DGKI: variants seen among roughly 807,000 people sequenced by gnomAD.
DGKI encodes the protein diacylglycerol kinase iota.
In DGKI, 55 loss-of-function variants were observed where a neutral mutation model predicts 147.5. That is an observed-to-expected ratio of 0.37 (90% CI 0.30 to 0.47). The LOEUF (loss-of-function observed/expected upper bound fraction) is 0.47, where lower values mean the gene tolerates loss of function less well. Ranked by LOEUF, DGKI falls within the 20% of genes least tolerant of loss-of-function variation. The probability of loss-of-function intolerance (pLI) is 1.00; values close to 1 mark genes in which losing one functional copy is unlikely to be tolerated. For synonymous variants in DGKI, 469 were observed against 477.1 expected, an observed-to-expected ratio of 0.98 and a Z score of 0.22; for missense variants, 1,007 against 1,323.8, an observed-to-expected ratio of 0.76 and a Z score of 3.71.
chr7:137,771,349 C>T (rs1294932230), intron 1 of DGKI, among the ~76,000 whole-genome samples: 1 of 152,180 alleles, frequency 6.6e-6, no homozygotes, highest in Non-Finnish European at 1.5e-5. Flanking sequence ...CTTCAGCCTC[C>T]CAAAGTGCTG....
At chr7:137,824,445 A>G (rs1797995482) in intron 1 of DGKI, among the ~76,000 whole-genome samples, 1 of 149,676 alleles carries the variant, frequency 6.7e-6, no homozygotes, top group Admixed American at 6.8e-5. Flanking sequence ...GAACCTTGGA[A>G]ATAGAGATTG....
chr7:137,839,663 C>T (rs1009627192), intron 1 of DGKI, among the ~76,000 whole-genome samples: 2 of 152,192 alleles, frequency 1.3e-5, no homozygotes, highest in Non-Finnish European at 2.9e-5. Flanking sequence ...CCAGTACTCT[C>T]CTCTACCTCT....
intron 5 of DGKI, among the ~76,000 whole-genome samples, chr7:137,653,128 T>TG (rs1822093802): frequency 6.6e-6 from 1 of 151,710 alleles, no homozygotes; most frequent in Non-Finnish European, 1.5e-5. Flanking sequence ...GTATGTGTGT[T>TG]TGTGTGTGTG....
intron 12 of DGKI, among the ~76,000 whole-genome samples, chr7:137,589,975 T>A (rs1819549538): frequency 6.6e-6 from 1 of 151,876 alleles, no homozygotes; most frequent in Non-Finnish European, 1.5e-5. Flanking sequence ...TGCTATGAGT[T>A]TACACTTTCA....
intron 1 of DGKI, among the ~76,000 whole-genome samples, chr7:137,804,365 C>T (rs1033938144): frequency 6.6e-6 from 1 of 152,186 alleles, no homozygotes; most frequent in African/African-American, 2.4e-5. Context: ...TAAATATAGG[C>T]TAGTTTTCTC....
intron 30 of DGKI, among the ~76,000 whole-genome samples, chr7:137,405,721 A>G (rs1029891284): frequency 6.6e-6 from 1 of 151,900 alleles, no homozygotes; most frequent in African/African-American, 2.4e-5. Context: ...GGGAGCTTCC[A>G]CTCTCACCCC....
intron 21 of DGKI, among the ~76,000 whole-genome samples, chr7:137,512,580 G>A (rs867668111): frequency 1.6e-4 from 25 of 152,162 alleles, no homozygotes; most frequent in African/African-American, 5.8e-4. Context: ...TTTTGAGTAT[G>A]TGTTACATAA....
At chr7:137,615,323 C>A (rs1050279685) in intron 8 of DGKI, among the ~76,000 whole-genome samples, 1 of 152,162 alleles carries the variant, frequency 6.6e-6, no homozygotes, top group Admixed American at 6.5e-5. Context: ...TTAGATAGTT[C>A]TAGCTATATT....
intron 1 of DGKI, among the ~76,000 whole-genome samples, chr7:137,816,000 C>T: frequency 6.6e-6 from 1 of 152,184 alleles, no homozygotes; most frequent in East Asian, 1.9e-4. Context: ...GTTCCCATTA[C>T]AAATTCCACA....
Position 137,737,325 on chromosome 7 carries a change from G to A in DGKI, c.402-47323C>T, listed in dbSNP as rs141937319. Among the ~76,000 whole-genome samples, 51 of 151,380 alleles carry A rather than the reference G, an allele frequency of 3.4e-4. 1 individual carries two copies. The East Asian group carries it at 9.1e-3, about 27-fold the overall frequency. On this transcript the variant is annotated intron_variant, in intron 1 of 32. Coordinates refer to ENST00000614521, the MANE Select transcript of DGKI (RefSeq NM_001321708.2). ...ACTCATGGAAGGAGAACTTTCAACA[G>A]CAAGTTTCCCTGGAATACAAAGAAA... is the stretch of plus-strand genomic sequence containing the variant.
At chr7:137,843,676 T>C (rs1798617302) in intron 1 of DGKI, among the ~76,000 whole-genome samples, 1 of 151,572 alleles carries the variant, frequency 6.6e-6, no homozygotes, top group Non-Finnish European at 1.5e-5. Flanking sequence ...AGTCACTGCA[T>C]ATGCCCACCC....
chr7:137,727,406 A>T (rs946320745), intron 1 of DGKI, among the ~76,000 whole-genome samples: 2 of 152,222 alleles, frequency 1.3e-5, no homozygotes, highest in Non-Finnish European at 2.9e-5. Context: ...ATACTCACAG[A>T]GCCCCAGCTT....
chr7:137,576,970 G>A (rs1035661780), intron 17 of DGKI, among the ~76,000 whole-genome samples: 2 of 152,074 alleles, frequency 1.3e-5, no homozygotes, highest in Admixed American at 6.5e-5. Context: ...GTTCTGAAGT[G>A]ACTTATGTGA....
In DGKI at chr7:137,594,585, C is replaced by T. The variant is rs115724213; in HGVS notation, c.1311+3262G>A. Among the ~76,000 whole-genome samples, 446 of 152,276 alleles carry T rather than the reference C, an allele frequency of 2.9e-3. 5 individuals carry two copies. Among genetic ancestry groups the T allele is most frequent in the African/African-American group, 0.01 (421 of 41,558 alleles). Reference sequence around the variant, plus strand: ...CACTTTACTGGCAGCATTCTGCCAGCTTCTACAGTGACAGATGTGCTCACT... The same window carrying T: ...CACTTTACTGGCAGCATTCTGCCAGTTTCTACAGTGACAGATGTGCTCACT... On this transcript the variant is annotated intron_variant, in intron 12 of 32. Coordinates refer to ENST00000614521, the MANE Select transcript of DGKI (RefSeq NM_001321708.2).
chr7:137,767,087 G>T (rs1194907905), intron 1 of DGKI, among the ~76,000 whole-genome samples: 1 of 151,926 alleles, frequency 6.6e-6, no homozygotes, highest in Non-Finnish European at 1.5e-5. Context: ...GTGACCTGAT[G>T]GGGGGGCCAC....
At chr7:137,472,195 T>C (rs1814943474) in intron 23 of DGKI, among the ~76,000 whole-genome samples, 1 of 115,468 alleles carries the variant, frequency 8.7e-6, no homozygotes, top group South Asian at 2.4e-4. Flanking sequence ...TACATATAAA[T>C]ATTATATACA....
chr7:137,579,452 GAA>G (rs67445318), intron 15 of DGKI, among the ~76,000 whole-genome samples: 2 of 138,324 alleles, frequency 1.4e-5, no homozygotes, highest in Non-Finnish European at 3.2e-5. Flanking sequence ...AAAAAAAAAA[GAA>G]AGAAAAAAAG....
At chr7:137,540,782 A>AAAAAAAAAAAAT (rs1563075734) in intron 20 of DGKI, among the ~76,000 whole-genome samples, 1 of 148,624 alleles carries the variant, frequency 6.7e-6, no homozygotes, top group Admixed American at 6.7e-5. Context: ...AAAAAAAAAA[A>AAAAAAAAAAAAT]AAAAAACATT....
intron 20 of DGKI, among the ~76,000 whole-genome samples, chr7:137,524,563 C>A (rs1325507199): frequency 2.0e-5 from 3 of 151,884 alleles, no homozygotes; most frequent in Non-Finnish European, 4.4e-5. Flanking sequence ...GATTTTTATC[C>A]CCAAATTAAA....
Sources: allele counts gnomAD v4.1 joint callset (sites outside exome capture counted in the v4.1 genomes callset), GRCh38; gene constraint gnomAD v4.1.1; transcripts MANE v1.5; gene names NCBI Gene and HGNC (gene_info 2026-07-23, HGNC 2026-07-21).